Variants in NOB1 observed in about 807,000 individuals in gnomAD.
NOB1 encodes NIN1 (RPN12) binding protein 1 homolog, also known as RNA-binding protein NOB1.
NOB1 carries 44 observed loss-of-function variants against 44.8 expected under a neutral mutation model. That is an observed-to-expected ratio of 0.98 (90% confidence interval 0.77 to 1.26). The LOEUF is 1.26. Among genes scored for constraint, NOB1 ranks in the 50% most tolerant of loss-of-function variants. NOB1 has a pLI of 0.00. For missense variants in NOB1, 560 were observed against 544.8 expected (o/e 1.03, Z -0.28); for synonymous variants, 238 against 218.7 (o/e 1.09, Z -0.78).
At chr16:69,745,747 C>T (rs2038425461) in intron 7 of NOB1, among the ~76,000 whole-genome samples, 1 of 152,208 alleles carries the variant, frequency 6.6e-6, no homozygotes, top group East Asian at 1.9e-4. Context: ...TCCATCAATT[C>T]CCAATGGTCA....
chr16:69,742,483 G>T lies in NOB1; in HGVS notation c.1088C>A (p.Ala363Asp). The T allele has an allele frequency of 1.9e-6, 3 of 1,614,258 alleles. No homozygotes were observed. The highest frequency in any genetic ancestry group is 2.5e-6 in the Non-Finnish European group (3 of 1,180,048). Residue 363 changes from alanine (A) to aspartate (D), a missense_variant, in exon 9 of 9, where the codon GCC (alanine) becomes GAC (aspartate). Ala to Asp is a moderately radical substitution (Grantham distance 126, BLOSUM62 -2). Transcript: ENST00000268802. The stretch of plus-strand genomic sequence containing the variant: ...TGACACCCCGGCGATGTAGTCAGGG[G>T]CGAACACGTTGGTTTTCTGCCTGGC... Reference protein sequence around the residue: ...QKARQKTNVFAPDYIAGVSPF... With the variant: ...QKARQKTNVFDPDYIAGVSPF...
rs1011983046 is a variant in NOB1, at chr16:69,742,197, C to T, written c.*135G>A. ...CCCTGCAGACCCAGCGGGGCATGGG[C>T]GGACAGAGCCGCACCGTGAAGCCCG... On this transcript the variant is annotated 3_prime_UTR_variant, in exon 9 of 9. Transcript: ENST00000268802. 31 of 1,154,088 alleles carry T rather than the reference C, an allele frequency of 2.7e-5. 1 individual carries two copies. The highest frequency in any genetic ancestry group is 7.8e-5 in the Admixed American group (3 of 38,356). The allele number at this position is 1,154,088 out of a possible 1,614,324, so 71.5% of individuals were successfully genotyped here.
In NOB1 at chr16:69,754,503, T is replaced by G. The variant is rs551316689; in HGVS notation, c.196+91A>C. On this transcript the variant is annotated intron_variant, in intron 2 of 8. Transcript: ENST00000268802. ...GCTGGCTCTAAATCTACTGCTCTGA[T>G]AAGGCAGCTAGACCCCAACTCGCAC... 168 of 1,527,146 alleles carry G rather than the reference T, an allele frequency of 1.1e-4. No homozygotes were observed. The African/African-American group carries it at 1.8e-3, about 16-fold the overall frequency. 94.6% of individuals were successfully genotyped at this position (1,527,146 alleles called of 1,614,324 possible).
intron 3 of NOB1, among the ~76,000 whole-genome samples, 183 bp from the exon 4 acceptor site, chr16:69,749,813 A>G (rs998764964): frequency 2.9e-4 from 44 of 151,518 alleles, no homozygotes; most frequent in African/African-American, 9.9e-4. Flanking sequence ...CCCTGTCTCT[A>G]CTAAAAATAC....
rs1424227559 is a variant in NOB1 at position 69,744,237 on chromosome 16, C to G, written c.969+636G>C. On this transcript the variant is annotated intron_variant, in intron 8 of 8. Coordinates refer to ENST00000268802, the MANE Select transcript of NOB1 (RefSeq NM_014062.3). ...TTGGGAGGCTGAGGCAGGAGAATCGCTTGAACCCCAGAGGTGGAGTTTCAG... is the reference window on the plus strand; with the variant it reads ...TTGGGAGGCTGAGGCAGGAGAATCGGTTGAACCCCAGAGGTGGAGTTTCAG... Among the ~76,000 whole-genome samples the G allele has an allele frequency of 3.9e-5, 6 of 152,320 alleles. No individual in the cohort carries two copies. In the East Asian group the frequency reaches 1.2e-3, roughly 29 times the overall value.
chr16:69,750,028 T>C (rs1230630234), intron 3 of NOB1, among the ~76,000 whole-genome samples: 2 of 148,100 alleles, frequency 1.4e-5, no homozygotes, highest in African/African-American at 2.5e-5. Context: ...AGATAGGGTC[T>C]TGCTCTGTCA....
At chr16:69,753,289 G>C (rs575929049) in intron 2 of NOB1, among the ~76,000 whole-genome samples, 1 of 152,162 alleles carries the variant, frequency 6.6e-6, no homozygotes, top group Non-Finnish European at 1.5e-5. Context: ...ACTTGTAATT[G>C]TAGTAGTCTA....
chr16:69,746,656 A>G (rs1046012806), intron 7 of NOB1, among the ~76,000 whole-genome samples: 10 of 152,210 alleles, frequency 6.6e-5, no homozygotes, highest in Admixed American at 2.0e-4. Context: ...CTGCAATCGC[A>G]GCTCTTTGGG....
At chr16:69,753,470 A>G (rs1014585473) in intron 2 of NOB1, among the ~76,000 whole-genome samples, 2 of 152,210 alleles carry the variant, frequency 1.3e-5, no homozygotes, top group Non-Finnish European at 1.5e-5. Context: ...TAAAAAACAG[A>G]CATTAGCAGC....
intron 7 of NOB1, among the ~76,000 whole-genome samples, chr16:69,746,950 G>A (rs1345642807): frequency 3.9e-5 from 6 of 151,950 alleles, no homozygotes; most frequent in African/African-American, 9.7e-5. Flanking sequence ...TGGGCCAGGC[G>A]CGGTGGCTCA....
chr16:69,742,488 C>T lies in NOB1; in HGVS notation c.1083G>A (p.Val361=), dbSNP rs762807919. 6.2e-7 allele frequency: 1 copy of T among 1,614,090 alleles called. No individual in the cohort carries two copies. Among genetic ancestry groups the T allele is most frequent in the Non-Finnish European group, 8.5e-7 (1 of 1,180,046 alleles). The part of the protein sequence containing the change: ...LSQKARQKTN[V]FAPDYIAGVS... ...CCCCGGCGATGTAGTCAGGGGCGAA[C>T]ACGTTGGTTTTCTGCCTGGCCTTTT... is the stretch of plus-strand genomic sequence containing the variant. Residue 361 remains valine, a synonymous_variant, in exon 9 of 9, where the codon GTG becomes GTA. Transcript: ENST00000268802.
At chr16:69,746,893 C>CT (rs1201269487) in intron 7 of NOB1, among the ~76,000 whole-genome samples, 1 of 149,232 alleles carries the variant, frequency 6.7e-6, no homozygotes, top group African/African-American at 2.5e-5. Context: ...CAGAGAGACT[C>CT]TGTCTCAGAA....
At chr16:69,743,773 T>G (rs1423369617) in intron 8 of NOB1, among the ~76,000 whole-genome samples, 1 of 152,188 alleles carries the variant, frequency 6.6e-6, no homozygotes, top group Non-Finnish European at 1.5e-5. Flanking sequence ...TCCCCTTCTT[T>G]TGTCAGAAAG....
chr16:69,743,819 G>T (rs903787520), intron 8 of NOB1, among the ~76,000 whole-genome samples: 4 of 152,102 alleles, frequency 2.6e-5, no homozygotes, highest in Non-Finnish European at 5.9e-5. Flanking sequence ...TCTGGAGTTG[G>T]GTCTGCAGAT....
In NOB1 at chr16:69,749,269, AG is replaced by A. The variant is rs2038461718; in HGVS notation, c.468del (p.Phe157SerfsTer19). 6.2e-7 allele frequency: 1 copy of A among 1,613,440 alleles called. No homozygotes were observed. The highest frequency in any genetic ancestry group is 2.2e-5 in the East Asian group (1 of 44,882). On this transcript the variant is annotated frameshift_variant, in exon 5 of 9. Transcript: ENST00000268802. LOFTEE classifies it high-confidence loss of function. ...GGCAAAGGGTTTCTCCAGAACATGAAGGAACTAAATTCCAGGTTCTCAGGCT... is the reference window on the plus strand; with the variant it reads ...GGCAAAGGGTTTCTCCAGAACATGAAGAACTAAATTCCAGGTTCTCAGGCT... Reference protein sequence around the residue: ...ACEPENLEFSSFMFWRNPLPN... With the variant: ...ACEPENLEFSXFMFWRNPLPN...
chr16:69,743,359 G>A (rs2038401089), intron 8 of NOB1, among the ~76,000 whole-genome samples: 1 of 152,166 alleles, frequency 6.6e-6, no homozygotes, highest in Non-Finnish European at 1.5e-5. Flanking sequence ...TAAGTTCAAC[G>A]AGAAATAATA....
At chr16:69,745,048 C>G in intron 7 of NOB1, 31 bp from the exon 8 acceptor site, 1 of 1,610,994 alleles carries the variant, frequency 6.2e-7, no homozygotes, top group Non-Finnish European at 8.5e-7. Context: ...TGATCTGTAC[C>G]AAAGCCACAG....
chr16:69,748,611 G>T (rs531081930), intron 6 of NOB1: 24 of 527,984 alleles, frequency 4.5e-5, no homozygotes, highest in Non-Finnish European at 7.3e-5. Context: ...CTCATTGCTG[G>T]GCTGAAAACC....
chr16:69,749,274 C>T lies in NOB1; in HGVS notation c.464G>A (p.Ser155Asn). Residue 155 changes from serine (S) to asparagine (N), a missense_variant, in exon 5 of 9, where the codon AGT becomes AAT. Coordinates refer to ENST00000268802, the MANE Select transcript of NOB1 (RefSeq NM_014062.3). ...SACEPENLEFSSFMFWRNPLP... is the reference protein window; with the variant it reads ...SACEPENLEFNSFMFWRNPLP... Reference sequence around the variant, plus strand: ...AGGGTTTCTCCAGAACATGAAGGAACTAAATTCCAGGTTCTCAGGCTCACA... The same window carrying T: ...AGGGTTTCTCCAGAACATGAAGGAATTAAATTCCAGGTTCTCAGGCTCACA... 6.2e-7 allele frequency: 1 copy of T among 1,613,228 alleles called. No individual in the cohort carries two copies. Among genetic ancestry groups the T allele is most frequent in the Non-Finnish European group, 8.5e-7 (1 of 1,179,796 alleles).
Sources: allele counts gnomAD v4.1 joint callset (sites outside exome capture counted in the v4.1 genomes callset), GRCh38; gene constraint gnomAD v4.1.1; transcripts MANE v1.5; gene names NCBI Gene and HGNC (gene_info 2026-07-23, HGNC 2026-07-21).